FGFR2: variants seen among roughly 807,000 people sequenced by gnomAD.
FGFR2 encodes the protein fibroblast growth factor receptor 2.
In FGFR2, 19 loss-of-function variants were observed where a neutral mutation model predicts 95.9. The observed-to-expected ratio is 0.20, with a 90% CI of 0.14 to 0.29. The LOEUF is 0.29. FGFR2 is among the 10% of genes least tolerant of loss of function. The pLI is 1.00. For synonymous variants in FGFR2, 392 were observed against 393.3 expected (o/e 1.00, Z 0.04); for missense variants, 707 against 1,056.9 (o/e 0.67, Z 4.59).
At position 121,485,466 on chromosome 10, in the gene FGFR2, G is replaced by A. The variant is rs140813163; in HGVS notation, c.2124C>T (p.Pro708=). The A allele has an allele frequency of 3.7e-5, 60 of 1,614,044 alleles. No individual in the cohort carries two copies. The highest frequency in any genetic ancestry group is 1.0e-4 in the Admixed American group (6 of 60,000). ...TCAGCAGCTTAAAAAGTTCCTCCAC[G>A]GGAATCCCTGGGTAGGGCGAGCCCC... ...TLGGSPYPGI[P]VEELFKLLKE... is the part of the protein sequence containing the mutation. The change falls in exon 16 of 18, where the codon CCC becomes CCT. Residue 708 remains proline, a synonymous_variant. Transcript: ENST00000358487. The surrounding 1 kb of genome is among the most constrained non-coding windows in gnomAD (Gnocchi z 4.2).
At chr10:121,498,171 T>C (rs1000831942) in intron 12 of FGFR2, among the ~76,000 whole-genome samples, 1 of 152,178 alleles carries the variant, frequency 6.6e-6, no homozygotes, top group African/African-American at 2.4e-5. Flanking sequence ...TTCTGACAAA[T>C]CTCTCTTAGC....
intron 4 of FGFR2, among the ~76,000 whole-genome samples, chr10:121,563,159 A>T (rs1353147436): frequency 6.6e-6 from 1 of 152,160 alleles, no homozygotes; most frequent in Non-Finnish European, 1.5e-5. Context: ...GTGAATCACA[A>T]GGTCAAGAGT....
chr10:121,479,591 A>G lies in FGFR2; in HGVS notation c.*266T>C. The G allele has an allele frequency of 6.4e-7, 1 of 1,550,972 alleles. No individual in the cohort carries two copies. Among genetic ancestry groups the G allele is most frequent in the Non-Finnish European group, 8.7e-7 (1 of 1,146,586 alleles). ...CGTCCACCTTGAGTCCTACTGGTCC[A>G]CAGCCAGTACGCACGGCAGGTGAGA... On this transcript the variant is annotated 3_prime_UTR_variant, in exon 18 of 18. Coordinates refer to ENST00000358487, the MANE Select transcript of FGFR2 (RefSeq NM_000141.5).
rs118119176 is a variant in FGFR2 at position 121,549,691 on chromosome 10, G to A, written c.624+1599C>T. On this transcript the variant is annotated intron_variant, in intron 5 of 17. Coordinates refer to ENST00000358487, the MANE Select transcript of FGFR2 (RefSeq NM_000141.5). ...CAGCAGCTGCCCTATGAAGAGGCCC[G>A]TGTGGCATGGAACAGTGGGCAGCCC... 2.5e-4 allele frequency among the ~76,000 whole-genome samples: 38 copies of A among 152,278 alleles called. No individual in the cohort carries two copies. The East Asian group carries it at 6.2e-3, about 25-fold the overall frequency.
At position 121,515,514 on chromosome 10, in the gene FGFR2, A is replaced by G. The variant is rs41295567; in HGVS notation, c.1085-195T>C. Among the ~76,000 whole-genome samples the G allele has an allele frequency of 1.4e-3, 220 of 152,220 alleles. 2 individuals carry two copies. The highest frequency in any genetic ancestry group is 4.9e-3 in the African/African-American group (204 of 41,534). The stretch of plus-strand genomic sequence containing the variant: ...TTTGACCACCAGGACCCAGGTAGTC[A>G]CTGTCACTAGCCTCAGTGGGCACCT... On this transcript the variant is annotated intron_variant, in intron 8 of 17. Coordinates refer to ENST00000358487, the MANE Select transcript of FGFR2 (RefSeq NM_000141.5).
At chr10:121,551,523 C>T (rs1855407951) in intron 4 of FGFR2, 64 bp from the exon 5 acceptor site, 1 of 1,449,440 alleles carries the variant, frequency 6.9e-7, no homozygotes, top group East Asian at 2.3e-5. Flanking sequence ...GAGTAAACTC[C>T]AAACAGGTAA....
At position 121,572,989 on chromosome 10, in the gene FGFR2, T is replaced by C. The variant is rs74160628; in HGVS notation, c.110-7285A>G. Among the ~76,000 whole-genome samples, 1,475 of 152,354 alleles carry C rather than the reference T, an allele frequency of 9.7e-3. 25 individuals are homozygous for C. Among genetic ancestry groups the C allele is most frequent in the African/African-American group, 0.034 (1,404 of 41,580 alleles). ...GACTTATGTGACTTCACTGCACACA[T>C]CCAGCTGGACTTCTCACCCATCTCA... On this transcript the variant is annotated intron_variant, in intron 2 of 17. Transcript: ENST00000358487.
rs1238589132 is a variant in FGFR2 at position 121,515,369 on chromosome 10, A to T, written c.1085-50T>A. The T allele has an allele frequency of 1.9e-6, 3 of 1,557,780 alleles. No homozygotes were observed. The South Asian group carries it at 3.3e-5, about 17-fold the overall frequency. ...GAACAGATAAGCAGGCCATAGAGTT[A>T]GCACACCAGACTGACGCATCATAGC... is the stretch of plus-strand genomic sequence containing the variant. On this transcript the variant is annotated intron_variant, in intron 8 of 17. Coordinates refer to ENST00000358487, the MANE Select transcript of FGFR2 (RefSeq NM_000141.5).
At chr10:121,504,644 G>A (rs373931316) in intron 9 of FGFR2, among the ~76,000 whole-genome samples, 4 of 152,284 alleles carry the variant, frequency 2.6e-5, no homozygotes, top group South Asian at 4.1e-4. Flanking sequence ...CACTAAACAC[G>A]TGGGATGAAG....
intron 6 of FGFR2, among the ~76,000 whole-genome samples, chr10:121,534,643 G>A (rs887566160): frequency 6.6e-6 from 1 of 152,098 alleles, no homozygotes; most frequent in African/African-American, 2.4e-5. Context: ...TGATCTGCCC[G>A]CCTCGGCCTC....
In FGFR2 at chr10:121,518,652, A is replaced by T. The variant is rs984962563; in HGVS notation, c.940-1189T>A. On this transcript the variant is annotated intron_variant, in intron 7 of 17. Transcript: ENST00000358487. The surrounding 1 kb of genome is among the most constrained non-coding windows in gnomAD (Gnocchi z 4.0). ...AGCTTCTATATCCAGCTTTCTTTTTAAAAAAAGACAAAAATGAAAGCATTG... is the reference window on the plus strand; with the variant it reads ...AGCTTCTATATCCAGCTTTCTTTTTTAAAAAAGACAAAAATGAAAGCATTG... The T allele has an allele frequency of 5.0e-6, 8 of 1,613,564 alleles. No homozygotes were observed. Among genetic ancestry groups the T allele is most frequent in the Admixed American group, 1.7e-5 (1 of 60,004 alleles).
chr10:121,593,615 C>T lies in FGFR2; in HGVS notation c.109+94G>A, dbSNP rs1863000192. 5.4e-6 allele frequency: 6 copies of T among 1,106,246 alleles called. No homozygotes were observed. The East Asian group carries it at 1.5e-4, about 28-fold the overall frequency. 68.5% of individuals were successfully genotyped at this position (1,106,246 alleles called of 1,614,324 possible). A position where few individuals can be genotyped will look rare whatever the true frequency, so the allele number is the denominator to read the frequency against. On this transcript the variant is annotated intron_variant, in intron 2 of 17. Coordinates refer to ENST00000358487, the MANE Select transcript of FGFR2 (RefSeq NM_000141.5). ...CTGGTGCTCTTAGAAGCCCCATTTA[C>T]AATGCAAGGGTAGCTGATTCTAAAA...
At chr10:121,535,554 C>T (rs1454718614) in intron 6 of FGFR2, among the ~76,000 whole-genome samples, 1 of 152,162 alleles carries the variant, frequency 6.6e-6, no homozygotes, top group Non-Finnish European at 1.5e-5. Flanking sequence ...AGTGACAGGA[C>T]CTCAGTCAGA....
intron 6 of FGFR2, among the ~76,000 whole-genome samples, chr10:121,528,761 T>C (rs754047351): frequency 5.3e-5 from 8 of 152,170 alleles, no homozygotes; most frequent in Admixed American, 6.5e-5. Flanking sequence ...AACTTCAAAA[T>C]AGTCACCCAG....
At chr10:121,505,619 G>A (rs1171136546) in intron 9 of FGFR2, among the ~76,000 whole-genome samples, 1 of 152,160 alleles carries the variant, frequency 6.6e-6, no homozygotes, top group African/African-American at 2.4e-5. Flanking sequence ...TGGGGAATCC[G>A]TCCTGCTCCC....
intron 2 of FGFR2, among the ~76,000 whole-genome samples, chr10:121,578,572 A>G (rs1860310983): frequency 2.6e-5 from 4 of 152,210 alleles, no homozygotes; most frequent in Admixed American, 2.0e-4. Context: ...TGTGCGTAAA[A>G]CCACGTGGTC....
chr10:121,529,399 C>T (rs1403803951), intron 6 of FGFR2, among the ~76,000 whole-genome samples: 3 of 152,352 alleles, frequency 2.0e-5, no homozygotes, highest in African/African-American at 7.2e-5. Context: ...CGTGAGCCAG[C>T]ACACCCGGCC....
In FGFR2 at chr10:121,479,992, T is replaced by C. The variant is rs2133684733; in HGVS notation, c.2331A>G (p.Glu777=). 2 of 1,614,142 alleles carry C rather than the reference T, an allele frequency of 1.2e-6. No homozygotes were observed. The highest frequency in any genetic ancestry group is 8.5e-7 in the Non-Finnish European group (1 of 1,180,042). ...TGTCAGGGTAACTAGGTGAATACTG[T>C]TCGAGAGGTTGGCTGAGGTCCAAGT... is the stretch of plus-strand genomic sequence containing the variant. The part of the protein sequence containing the change: ...EEYLDLSQPL[E]QYSPSYPDTR... The change falls in exon 18 of 18, where the codon GAA becomes GAG. Residue 777 remains glutamate (E), a synonymous_variant. Coordinates refer to ENST00000358487, the MANE Select transcript of FGFR2 (RefSeq NM_000141.5).
At chr10:121,597,408 G>A (rs1863605961) in intron 1 of FGFR2, among the ~76,000 whole-genome samples, 1 of 152,256 alleles carries the variant, frequency 6.6e-6, no homozygotes, top group Non-Finnish European at 1.5e-5. Context: ...CTGCGGGCGA[G>A]GGGCGCCCAG....
Sources: gnomAD v4.1 joint callset for allele counts (sites outside exome capture counted in the v4.1 genomes callset) on GRCh38, gnomAD v4.1.1 for gene constraint, Gnocchi (gnomAD v3.1) non-coding constraint, MANE v1.5 for transcripts, NCBI Gene and HGNC (gene_info 2026-07-23, HGNC 2026-07-21) for gene names.